Variants in THRB observed in about 807,000 individuals in gnomAD.
The protein encoded by THRB is thyroid hormone receptor beta.
THRB carries 12 observed loss-of-function variants against 47.8 expected under a neutral mutation model. That is an observed-to-expected ratio of 0.25 (90% CI 0.16 to 0.41). THRB has a LOEUF of 0.41. Among genes scored for constraint, THRB ranks in the 10% least tolerant of loss-of-function variants. The pLI is 1.00. For missense variants in THRB, 348 were observed against 589.2 expected (o/e 0.59, Z 4.24); for synonymous variants, 218 against 212.2 (o/e 1.03, Z -0.24).
intron 1 of THRB, among the ~76,000 whole-genome samples, chr3:24,411,607 C>T (rs2068303832): frequency 6.6e-6 from 1 of 151,734 alleles, no homozygotes; most frequent in Non-Finnish European, 1.5e-5. Context: ...ATTTATTACG[C>T]TACATGCTGC....
intron 8 of THRB, among the ~76,000 whole-genome samples, chr3:24,136,981 C>G (rs1263808928): frequency 1.3e-5 from 2 of 152,194 alleles, no homozygotes. Context: ...CTTCAAGACC[C>G]AACTCAAGTT....
intron 1 of THRB, among the ~76,000 whole-genome samples, chr3:24,409,409 G>A (rs970821827): frequency 6.6e-6 from 1 of 151,726 alleles, no homozygotes; most frequent in African/African-American, 2.4e-5. Context: ...ATGACTTCTG[G>A]GAGGCAATAT....
intron 2 of THRB, among the ~76,000 whole-genome samples, chr3:24,312,899 CA>C (rs2057849306): frequency 6.6e-6 from 1 of 152,110 alleles, no homozygotes; most frequent in South Asian, 2.1e-4. Flanking sequence ...TCCAAAAGAC[CA>C]AAGAGAAAGA....
chr3:24,152,360 G>A (rs777098891), intron 6 of THRB, 30 bp downstream of exon 6: 3 of 1,255,716 alleles, frequency 2.4e-6, no homozygotes, highest in East Asian at 4.6e-5. Flanking sequence ...GCTGGGCTAA[G>A]CTCTGTGCTT....
In THRB at chr3:24,122,806, A is replaced by G. The variant is rs2148779550; in HGVS notation, c.*78T>C. 2 of 1,603,426 alleles carry G rather than the reference A, an allele frequency of 1.2e-6. No individual in the cohort carries two copies. Among genetic ancestry groups the G allele is most frequent in the East Asian group, 2.2e-5 (1 of 44,856 alleles). On this transcript the variant is annotated 3_prime_UTR_variant, in exon 11 of 11. Transcript: ENST00000646209. The stretch of plus-strand genomic sequence containing the variant: ...ATAATCCCTCCCAACACAAAGAAAC[A>G]AACAAAAAAGAGCTAGGCAATGGAA...
chr3:24,339,485 A>G (rs1269948123), intron 1 of THRB, among the ~76,000 whole-genome samples: 1 of 152,174 alleles, frequency 6.6e-6, no homozygotes, highest in Non-Finnish European at 1.5e-5. Flanking sequence ...AGGCAGTCTG[A>G]TGTCATGGGC....
At chr3:24,456,701 C>T (rs1560230960) in intron 1 of THRB, among the ~76,000 whole-genome samples, 1 of 151,114 alleles carries the variant, frequency 6.6e-6, no homozygotes, top group Non-Finnish European at 1.5e-5. Flanking sequence ...AAACAAACTG[C>T]TTACTGAATG....
At chr3:24,340,685 T>C (rs1329715048) in intron 1 of THRB, among the ~76,000 whole-genome samples, 2 of 152,208 alleles carry the variant, frequency 1.3e-5, no homozygotes, top group South Asian at 2.1e-4. Context: ...TCAATAGAAT[T>C]GGCCATTCAA....
At chr3:24,299,066 T>G (rs1239050466) in intron 2 of THRB, among the ~76,000 whole-genome samples, 1 of 151,474 alleles carries the variant, frequency 6.6e-6, no homozygotes. Context: ...GCTAACACAG[T>G]GAAACCCCGT....
chr3:24,270,227 C>T (rs918568769), intron 3 of THRB, among the ~76,000 whole-genome samples: 4 of 152,180 alleles, frequency 2.6e-5, no homozygotes, highest in African/African-American at 9.7e-5. Flanking sequence ...CCATTAAAGG[C>T]ATGCCTGATG....
chr3:24,282,080 C>A lies in THRB; in HGVS notation c.-43+15146G>T, dbSNP rs867878769. On this transcript the variant is annotated intron_variant, in intron 3 of 10. Transcript: ENST00000646209. Reference sequence around the variant, plus strand: ...GAATTGAACTCAGCTTTGCACCAAGCAGACCTAATAGACATCTACAGAACT... The same window carrying A: ...GAATTGAACTCAGCTTTGCACCAAGAAGACCTAATAGACATCTACAGAACT... Among the ~76,000 whole-genome samples, 148 of 128,662 alleles carry A rather than the reference C, an allele frequency of 1.2e-3. 1 individual carries two copies. The Middle Eastern group carries it at 0.019, about 17-fold the overall frequency. 84.4% of individuals were successfully genotyped at this position (128,662 alleles called of 152,430 possible).
chr3:24,330,244 T>C (rs1323008514), intron 2 of THRB, among the ~76,000 whole-genome samples: 2 of 152,094 alleles, frequency 1.3e-5, no homozygotes, highest in East Asian at 3.9e-4. Context: ...GAAGCGGAGC[T>C]TGCAGTGAGC....
At chr3:24,126,069 T>C (rs1246432163) in intron 10 of THRB, among the ~76,000 whole-genome samples, 2 of 152,146 alleles carry the variant, frequency 1.3e-5, no homozygotes, top group Admixed American at 1.3e-4. Context: ...AAATTTCCTA[T>C]AGTAAATACA....
At chr3:24,336,657 T>C (rs765754113) in intron 2 of THRB, among the ~76,000 whole-genome samples, 31 of 152,086 alleles carry the variant, frequency 2.0e-4, no homozygotes, top group Non-Finnish European at 3.5e-4. Flanking sequence ...CAAGTGGATC[T>C]TTACTGCACA....
At chr3:24,195,644 CT>C in intron 4 of THRB, among the ~76,000 whole-genome samples, 1 of 152,312 alleles carries the variant, frequency 6.6e-6, no homozygotes, top group African/African-American at 2.4e-5. Flanking sequence ...ATCTTCAGGC[CT>C]TACAGTGGCC....
chr3:24,207,793 C>G (rs370695137), intron 4 of THRB, among the ~76,000 whole-genome samples: 103 of 152,228 alleles, frequency 6.8e-4, no homozygotes, highest in East Asian at 3.1e-3. Context: ...CACAAGACAG[C>G]GATGCCCTCT....
intron 3 of THRB, among the ~76,000 whole-genome samples, chr3:24,264,947 A>G (rs1246023551): frequency 1.3e-5 from 2 of 152,226 alleles, no homozygotes; most frequent in East Asian, 3.8e-4. Flanking sequence ...CATCAATGGG[A>G]GCCATTATTA....
At chr3:24,311,946 C>T (rs1333438132) in intron 2 of THRB, among the ~76,000 whole-genome samples, 1 of 152,200 alleles carries the variant, frequency 6.6e-6, no homozygotes, top group African/African-American at 2.4e-5. Flanking sequence ...CCACCAATTA[C>T]TTCTCATACC....
intron 5 of THRB, chr3:24,165,543 C>T (rs946133118): frequency 1.3e-5 from 7 of 559,472 alleles, no homozygotes; most frequent in Non-Finnish European, 2.2e-5. Context: ...TTTGTAATAG[C>T]ACCTGATGTG....
Sources: allele counts gnomAD v4.1 joint callset (sites outside exome capture counted in the v4.1 genomes callset), GRCh38; gene constraint gnomAD v4.1.1; transcripts MANE v1.5; gene names NCBI Gene and HGNC (gene_info 2026-07-23, HGNC 2026-07-21).